The following KCNMA1 variants were observed in gnomAD, a reference collection of about 807,000 sequenced individuals.
KCNMA1 encodes Calcium-activated potassium channel subunit alpha-1.
In KCNMA1, 29 loss-of-function variants were observed where a neutral mutation model predicts 140.0. That is an observed-to-expected ratio of 0.21 (90% CI 0.15 to 0.28). KCNMA1 has a LOEUF of 0.28. KCNMA1 is among the 10% of genes least tolerant of loss of function. KCNMA1 has a pLI of 1.00. For missense variants in KCNMA1, 880 were observed against 1,602.2 expected (o/e 0.55, Z 7.70); for synonymous variants, 612 against 611.9 (o/e 1.00, Z 0.00).
chr10:77,125,883 T>C (rs1280375106), intron 5 of KCNMA1, among the ~76,000 whole-genome samples: 2 of 152,166 alleles, frequency 1.3e-5, no homozygotes, highest in Non-Finnish European at 2.9e-5. Flanking sequence ...ATATGTTGCC[T>C]ACTAAAGGGA....
At chr10:77,146,529 C>A (rs752262430) in intron 5 of KCNMA1, among the ~76,000 whole-genome samples, 1 of 151,748 alleles carries the variant, frequency 6.6e-6, no homozygotes, top group Non-Finnish European at 1.5e-5. Flanking sequence ...GGCAAAACTT[C>A]GTCTCTTCTA....
At chr10:77,189,297 G>C (rs932425162) in intron 3 of KCNMA1, among the ~76,000 whole-genome samples, 2 of 152,108 alleles carry the variant, frequency 1.3e-5, no homozygotes, top group South Asian at 4.1e-4. Context: ...TTCAGTGTTT[G>C]AGCCAGCCCC....
intron 6 of KCNMA1, among the ~76,000 whole-genome samples, chr10:77,118,444 T>C (rs77558756): frequency 0.018 from 2,669 of 152,312 alleles, 85 homozygotes; most frequent in African/African-American, 0.061. Flanking sequence ...GACGTTTGCT[T>C]CTGTGCCTGG....
At chr10:77,073,345 C>G in intron 13 of KCNMA1, 93 bp from the exon 14 acceptor site, 1 of 1,251,440 alleles carries the variant, frequency 8.0e-7, no homozygotes, top group Non-Finnish European at 1.2e-6. Flanking sequence ...CCCAACCACT[C>G]AGGGCCATCC....
chr10:77,000,502 A>G (rs1208500986), intron 19 of KCNMA1, among the ~76,000 whole-genome samples: 2 of 152,166 alleles, frequency 1.3e-5, no homozygotes, highest in East Asian at 1.9e-4. Flanking sequence ...TACCAGCTGC[A>G]TAGCCTTGAC....
At chr10:77,242,559 T>C (rs1010718522) in intron 3 of KCNMA1, among the ~76,000 whole-genome samples, 4 of 152,250 alleles carry the variant, frequency 2.6e-5, no homozygotes, top group African/African-American at 9.6e-5. Flanking sequence ...TAGTCATTGA[T>C]ATATTGCTTA....
intron 1 of KCNMA1, among the ~76,000 whole-genome samples, chr10:77,518,941 C>A (rs1016272877): frequency 3.3e-5 from 5 of 152,212 alleles, no homozygotes; most frequent in African/African-American, 9.7e-5. Flanking sequence ...ACTGTCCACG[C>A]ATGGTTACTA....
intron 1 of KCNMA1, among the ~76,000 whole-genome samples, chr10:77,553,873 T>C (rs2063465395): frequency 6.6e-6 from 1 of 152,192 alleles, no homozygotes; most frequent in Non-Finnish European, 1.5e-5. Context: ...TTCTAAAACC[T>C]AGAAGAGCAT....
At chr10:77,491,029 T>C (rs1415899041) in intron 1 of KCNMA1, among the ~76,000 whole-genome samples, 1 of 152,194 alleles carries the variant, frequency 6.6e-6, no homozygotes, top group Non-Finnish European at 1.5e-5. Context: ...AATAACTCAG[T>C]GTTCCCCCAT....
intron 25 of KCNMA1, among the ~76,000 whole-genome samples, chr10:76,908,017 T>G (rs951914226): frequency 2.6e-5 from 4 of 152,200 alleles, no homozygotes; most frequent in Non-Finnish European, 5.9e-5. Context: ...CAGAGTATTT[T>G]GTAGTTCTGA....
chr10:77,319,136 A>G lies in KCNMA1; in HGVS notation c.541-67880T>C, dbSNP rs555487368. The stretch of plus-strand genomic sequence containing the variant: ...GGAAAAATAACAGGTACATTAACTC[A>G]GGTGTCAGCTGTCTCTGGCTTCTCC... On this transcript the variant is annotated intron_variant, in intron 2 of 27. Transcript: ENST00000286628. Among the ~76,000 whole-genome samples the G allele has an allele frequency of 2.4e-4, 36 of 152,296 alleles. 1 individual carries two copies. In the East Asian group the frequency reaches 5.8e-3, roughly 24 times the overall value.
chr10:77,523,740 A>G (rs2054457343), intron 1 of KCNMA1, among the ~76,000 whole-genome samples: 1 of 152,212 alleles, frequency 6.6e-6, no homozygotes. Flanking sequence ...AAAAGTAAAA[A>G]TATTTGTGGG....
At chr10:77,600,237 G>C (rs2082197056) in intron 1 of KCNMA1, among the ~76,000 whole-genome samples, 1 of 152,210 alleles carries the variant, frequency 6.6e-6, no homozygotes, top group African/African-American at 2.4e-5. Context: ...ATTTGCTACA[G>C]AGGTATTTCT....
At chr10:77,324,449 A>G (rs949920404) in intron 2 of KCNMA1, among the ~76,000 whole-genome samples, 2 of 152,214 alleles carry the variant, frequency 1.3e-5, no homozygotes, top group African/African-American at 4.8e-5. Context: ...TTCACCTAGC[A>G]TGACACCTCT....
intron 1 of KCNMA1, among the ~76,000 whole-genome samples, chr10:77,582,342 C>A (rs1290589614): frequency 6.6e-6 from 1 of 152,232 alleles, no homozygotes; most frequent in South Asian, 2.1e-4. Flanking sequence ...TATTATGAGG[C>A]ATAAACAACT....
chr10:77,482,099 C>T (rs552662661), intron 1 of KCNMA1, among the ~76,000 whole-genome samples: 28 of 152,334 alleles, frequency 1.8e-4, no homozygotes, highest in African/African-American at 5.8e-4. Flanking sequence ...AAGAATCTGC[C>T]CATGTTCATT....
At chr10:76,918,918 T>TCACACACA (rs71477059) in intron 23 of KCNMA1, among the ~76,000 whole-genome samples, 4,570 of 144,166 alleles carry the variant, frequency 0.032, 103 homozygotes, top group Admixed American at 0.06. Flanking sequence ...ATATATCACA[T>TCACACACA]CACACACACA....
intron 9 of KCNMA1, among the ~76,000 whole-genome samples, chr10:77,103,605 C>G (rs898171694): frequency 6.6e-6 from 1 of 152,128 alleles, no homozygotes; most frequent in African/African-American, 2.4e-5. Context: ...AAGGATGGAG[C>G]CAGGAAGGGG....
intron 3 of KCNMA1, among the ~76,000 whole-genome samples, chr10:77,188,149 C>A (rs768349284): frequency 6.6e-6 from 1 of 151,296 alleles, no homozygotes; most frequent in Non-Finnish European, 1.5e-5. Context: ...CAAAAGCTAG[C>A]AAAGAAATTG....
Sources: gnomAD v4.1 joint callset for allele counts (sites outside exome capture counted in the v4.1 genomes callset) on GRCh38, gnomAD v4.1.1 for gene constraint, MANE v1.5 for transcripts, NCBI Gene and HGNC (gene_info 2026-07-23, HGNC 2026-07-21) for gene names.